Variants in THSD7B observed in about 807,000 individuals in gnomAD.
THSD7B encodes the protein thrombospondin type 1 domain containing 7B, also known as thrombospondin type-1 domain-containing protein 7B.
A neutral mutation model predicts 213.6 loss-of-function variants in THSD7B; 138 were observed. The observed-to-expected ratio is 0.65, with a 90% CI of 0.56 to 0.74. The LOEUF (loss-of-function observed/expected upper bound fraction) is 0.74, where lower values mean the gene tolerates loss of function less well. THSD7B is among the 30% of genes least tolerant of loss of function. The pLI, the probability that THSD7B is intolerant of heterozygous loss-of-function variation, is 0.00. For synonymous variants in THSD7B, 742 were observed against 687.0 expected (o/e 1.08, Z -1.25); for missense variants, 1,931 against 1,991.5 (o/e 0.97, Z 0.58).
At chr2:137,623,355 A>G (rs1005246570) in intron 20 of THSD7B, among the ~76,000 whole-genome samples, 1 of 152,200 alleles carries the variant, frequency 6.6e-6, no homozygotes, top group Non-Finnish European at 1.5e-5. Context: ...ATTTATGACA[A>G]AGTCACAGCC....
intron 5 of THSD7B, among the ~76,000 whole-genome samples, chr2:137,135,706 T>C (rs1465980303): frequency 6.6e-6 from 1 of 152,118 alleles, no homozygotes. Flanking sequence ...TTTTAACCCA[T>C]CTCCATAGTG....
intron 1 of THSD7B, among the ~76,000 whole-genome samples, chr2:136,876,172 T>C (rs1459889510): frequency 2.6e-5 from 4 of 152,218 alleles, no homozygotes; most frequent in African/African-American, 4.8e-5. Flanking sequence ...TTGGAAATAA[T>C]AGCTTAGGAA....
At chr2:137,277,589 A>G (rs1012420029) in intron 12 of THSD7B, among the ~76,000 whole-genome samples, 21 of 152,242 alleles carry the variant, frequency 1.4e-4, no homozygotes, top group Middle Eastern at 3.4e-3. Flanking sequence ...AATCACTCCA[A>G]AGAACAAGGA....
At chr2:136,814,033 C>G (rs1682430899) in intron 1 of THSD7B, among the ~76,000 whole-genome samples, 1 of 152,136 alleles carries the variant, frequency 6.6e-6, no homozygotes, top group African/African-American at 2.4e-5. Context: ...TTTCCAATAT[C>G]CCCCTGTGTT....
intron 5 of THSD7B, among the ~76,000 whole-genome samples, chr2:137,132,589 A>G (rs1271061873): frequency 2.0e-5 from 3 of 152,184 alleles, no homozygotes; most frequent in Non-Finnish European, 4.4e-5. Flanking sequence ...CTAGACATCA[A>G]GATATAACCT....
In THSD7B at chr2:137,647,941, G is replaced by C. The variant is rs1395170298; in HGVS notation, c.3945+5308G>C. On this transcript the variant is annotated intron_variant, in intron 21 of 27. Coordinates refer to ENST00000409968, the MANE Select transcript of THSD7B (RefSeq NM_001316349.2). ...TTCTTAGTGTGAAAGTTTTGCCTTG[G>C]ACTCTGTTTTCTAGAATATCTACAT... 3.9e-5 allele frequency among the ~76,000 whole-genome samples: 6 copies of C among 152,202 alleles called. No individual in the cohort carries two copies. The East Asian group carries it at 1.2e-3, about 29-fold the overall frequency.
chr2:136,958,449 T>G (rs1389696623), intron 2 of THSD7B, among the ~76,000 whole-genome samples: 1 of 152,176 alleles, frequency 6.6e-6, no homozygotes, highest in Non-Finnish European at 1.5e-5. Context: ...AATCCAGATA[T>G]AAAACCCCCA....
intron 17 of THSD7B, 124 bp downstream of exon 17, chr2:137,572,680 T>G: frequency 8.1e-7 from 1 of 1,231,574 alleles, no homozygotes; most frequent in South Asian, 2.0e-5. Context: ...AATTTTTTTC[T>G]TTTTGAGAAA....
At chr2:137,105,968 G>T (rs1688240192) in intron 4 of THSD7B, among the ~76,000 whole-genome samples, 2 of 152,186 alleles carry the variant, frequency 1.3e-5, no homozygotes, top group East Asian at 1.9e-4. Flanking sequence ...TGGCCATACT[G>T]CCCAAAGTAA....
intron 17 of THSD7B, among the ~76,000 whole-genome samples, chr2:137,591,898 G>A (rs1573730795): frequency 2.0e-5 from 3 of 151,354 alleles, no homozygotes; most frequent in South Asian, 4.2e-4. Flanking sequence ...TTTTCTTTGT[G>A]TTTTTAAAAT....
chr2:136,860,050 C>A (rs1227806902), intron 1 of THSD7B, among the ~76,000 whole-genome samples: 2 of 125,748 alleles, frequency 1.6e-5, no homozygotes, highest in Admixed American at 1.0e-4. Flanking sequence ...TGGAGTCTCG[C>A]TCTGTCGCCC....
chr2:136,988,549 C>T (rs1185836534), intron 2 of THSD7B, among the ~76,000 whole-genome samples: 1 of 152,130 alleles, frequency 6.6e-6, no homozygotes, highest in Non-Finnish European at 1.5e-5. Context: ...TAAACTGGCT[C>T]CATGTGTGGA....
chr2:137,540,780 G>T (rs1272409704), intron 15 of THSD7B, among the ~76,000 whole-genome samples: 1 of 151,682 alleles, frequency 6.6e-6, no homozygotes. Context: ...ATAACAGTTA[G>T]GGTAAAGAAT....
intron 7 of THSD7B, among the ~76,000 whole-genome samples, chr2:137,182,098 G>T (rs949451568): frequency 2.0e-5 from 3 of 152,160 alleles, no homozygotes; most frequent in East Asian, 3.9e-4. Context: ...TGTAAATAGG[G>T]TTTCTTTGTT....
intron 1 of THSD7B, among the ~76,000 whole-genome samples, chr2:136,830,093 C>A (rs576616776): frequency 6.6e-6 from 1 of 151,742 alleles, no homozygotes; most frequent in Admixed American, 6.6e-5. Flanking sequence ...TCCTAGGTAC[C>A]AGATGTCATT....
At chr2:137,195,656 G>A (rs1680746191) in intron 7 of THSD7B, among the ~76,000 whole-genome samples, 1 of 151,988 alleles carries the variant, frequency 6.6e-6, no homozygotes, top group South Asian at 2.1e-4. Context: ...ATAAATGCAT[G>A]AATAAATAGA....
intron 15 of THSD7B, among the ~76,000 whole-genome samples, chr2:137,470,104 A>G (rs567464319): frequency 6.6e-6 from 1 of 152,316 alleles, no homozygotes; most frequent in South Asian, 2.1e-4. Context: ...GTTGTAATTG[A>G]GAGATGACAC....
At chr2:136,982,733 G>C (rs1307720342) in intron 2 of THSD7B, among the ~76,000 whole-genome samples, 1 of 152,088 alleles carries the variant, frequency 6.6e-6, no homozygotes, top group Non-Finnish European at 1.5e-5. Flanking sequence ...ATACTTTTAA[G>C]TACCTGCTTG....
intron 10 of THSD7B, among the ~76,000 whole-genome samples, chr2:137,259,921 G>A (rs1482414363): frequency 2.6e-5 from 4 of 151,870 alleles, no homozygotes; most frequent in East Asian, 3.9e-4. Context: ...GTGTGTGTGC[G>A]TGTGGGTGTG....
Sources: gnomAD v4.1 joint callset for allele counts (sites outside exome capture counted in the v4.1 genomes callset) on GRCh38, gnomAD v4.1.1 for gene constraint, MANE v1.5 for transcripts, NCBI Gene and HGNC (gene_info 2026-07-23, HGNC 2026-07-21) for gene names.